The following ADAM10 variants were observed in gnomAD, a reference collection of about 807,000 sequenced individuals.
ADAM10 encodes disintegrin and metalloproteinase domain-containing protein 10.
ADAM10 carries 17 observed loss-of-function variants against 90.1 expected under a neutral mutation model. That is an observed-to-expected ratio of 0.19 (90% CI 0.13 to 0.28). The LOEUF (loss-of-function observed/expected upper bound fraction) is 0.28. ADAM10 is among the 10% of genes least tolerant of loss of function. ADAM10 has a pLI of 1.00. For synonymous variants in ADAM10, 310 were observed against 298.6 expected (o/e 1.04, Z -0.40); for missense variants, 610 against 914.3 (o/e 0.67, Z 4.29).
At chr15:58,714,518 T>C (rs1289898042) in intron 2 of ADAM10, among the ~76,000 whole-genome samples, 2 of 152,136 alleles carry the variant, frequency 1.3e-5, no homozygotes, top group African/African-American at 2.4e-5. Context: ...CTCTACTTGA[T>C]ATTTTTTAAA....
intron 12 of ADAM10, chr15:58,611,441 T>C (rs1427062376): frequency 3.0e-5 from 10 of 328,736 alleles, no homozygotes; most frequent in East Asian, 7.1e-5. Context: ...TTTTTTCCTG[T>C]AGAGCAAAGT....
chr15:58,633,286 A>G lies in ADAM10; in HGVS notation c.1086T>C (p.Ile362=), dbSNP rs1896152755. 1.2e-6 allele frequency: 2 copies of G among 1,613,198 alleles called. No homozygotes were observed. Among genetic ancestry groups the G allele is most frequent in the Non-Finnish European group, 1.7e-6 (2 of 1,179,254 alleles). The part of the protein sequence containing the change: ...DGKKKSLNTG[I]ITVQNYGSHV... ...GAGACCCATAGTTCTGAACAGTAAT[A>G]ATTCCAGTGTTTAAGGACTTCTTCT... is the stretch of plus-strand genomic sequence containing the variant. The change falls in exon 9 of 16, where the codon ATT becomes ATC. Residue 362 remains isoleucine, a synonymous_variant. Coordinates refer to ENST00000260408, the MANE Select transcript of ADAM10 (RefSeq NM_001110.4).
At chr15:58,644,102 T>C in intron 6 of ADAM10, 124 bp from the exon 7 acceptor site, 1 of 722,504 alleles carries the variant, frequency 1.4e-6, no homozygotes, top group Non-Finnish European at 2.4e-6. Context: ...AATGTCAACA[T>C]TATATACTGG....
rs1461669228 is a variant in ADAM10 at position 58,683,987 on chromosome 15, G to T, written c.207-1673C>A. Among the ~76,000 whole-genome samples the T allele has an allele frequency of 2.6e-5, 4 of 151,718 alleles. No homozygotes were observed. The East Asian group carries it at 7.7e-4, about 29-fold the overall frequency. ...ATGCTCAAGTCCCTTATACAAAATG[G>T]TACAGTATTTGTATATAACAAATGT... On this transcript the variant is annotated intron_variant, in intron 2 of 15. Coordinates refer to ENST00000260408, the MANE Select transcript of ADAM10 (RefSeq NM_001110.4).
chr15:58,591,602 C>T lies in ADAM10; in HGVS notation c.*5945G>A, dbSNP rs1894825690. On this transcript the variant is annotated 3_prime_UTR_variant, in exon 16 of 16. Transcript: ENST00000260408. ...CTATGAAAAATTTCAAATATAAACA[C>T]AGGTAGAGAAAATAGTATAATAAAT... 6.6e-6 allele frequency: 1 copy of T among 152,054 alleles called. No homozygotes were observed. Among genetic ancestry groups the T allele is most frequent in the Admixed American group, 6.6e-5 (1 of 15,258 alleles). 9.4% of individuals were successfully genotyped at this position (152,054 alleles called of 1,614,324 possible). A position where few individuals can be genotyped will look rare whatever the true frequency, so the allele number is the denominator to read the frequency against.
intron 1 of ADAM10, among the ~76,000 whole-genome samples, chr15:58,722,726 C>CTTTTTTTT (rs71116592): frequency 9.6e-6 from 1 of 104,006 alleles, no homozygotes; most frequent in Non-Finnish European, 1.8e-5. Context: ...AATTTGAGAA[C>CTTTTTTTT]TTTTTTTTTT....
In ADAM10 at chr15:58,643,761, G is replaced by A. The variant is rs537905007; in HGVS notation, c.828+125C>T. ...CCAGGAGTAAAAAACTGCATCAACA[G>A]ATACAATTAAACTAAACTACTTAAT... On this transcript the variant is annotated intron_variant, in intron 7 of 15. Transcript: ENST00000260408. 9 of 770,048 alleles carry A rather than the reference G, an allele frequency of 1.2e-5. No individual in the cohort carries two copies. The East Asian group carries it at 2.4e-4, about 20-fold the overall frequency. 47.7% of individuals were successfully genotyped at this position (770,048 alleles called of 1,614,324 possible).
chr15:58,589,038 T>G lies in ADAM10; in HGVS notation c.*8509A>C, dbSNP rs1444559554. The stretch of plus-strand genomic sequence containing the variant: ...CTGCCACAGGATTTAGAATGAGATA[T>G]GTTAAAAGTTAAAAATACAGCTGTT... On this transcript the variant is annotated 3_prime_UTR_variant, in exon 16 of 16. Coordinates refer to ENST00000260408, the MANE Select transcript of ADAM10 (RefSeq NM_001110.4). 1 of 152,226 alleles carries G rather than the reference T, an allele frequency of 6.6e-6. No individual in the cohort carries two copies. Among genetic ancestry groups the G allele is most frequent in the Non-Finnish European group, 1.5e-5 (1 of 68,046 alleles). 9.4% of individuals were successfully genotyped at this position (152,226 alleles called of 1,614,324 possible).
intron 14 of ADAM10, among the ~76,000 whole-genome samples, chr15:58,605,520 G>A (rs73424591): frequency 0.011 from 1,664 of 152,182 alleles, 35 homozygotes; most frequent in African/African-American, 0.038. Context: ...ATAAAATCAG[G>A]GAAAGGAATA....
At chr15:58,691,404 G>A (rs1186085069) in intron 2 of ADAM10, 5 of 727,250 alleles carry the variant, frequency 6.9e-6, no homozygotes, top group South Asian at 1.4e-5. Flanking sequence ...CTCCACAAAA[G>A]CAGAGTTGGC....
rs1165666886 is a variant in ADAM10, at chr15:58,692,217, C to G, written c.207-9903G>C. On this transcript the variant is annotated intron_variant, in intron 2 of 15. Transcript: ENST00000260408. ...CCTGATGAGGGATGAACAGCAATGC[C>G]CTGAATTCCAAATGACCTTCTACAG... 1.6e-5 allele frequency: 9 copies of G among 574,584 alleles called. No individual in the cohort carries two copies. The Admixed American group carries it at 1.7e-4, about 11-fold the overall frequency. 35.6% of individuals were successfully genotyped at this position (574,584 alleles called of 1,614,324 possible).
At chr15:58,682,384 A>G in intron 2 of ADAM10, 70 bp from the exon 3 acceptor site, 1 of 1,556,718 alleles carries the variant, frequency 6.4e-7, no homozygotes, top group African/African-American at 1.4e-5. Context: ...ATTATTTTTT[A>G]TTTTAAAAAG....
At chr15:58,706,508 T>C (rs1193577811) in intron 2 of ADAM10, among the ~76,000 whole-genome samples, 1 of 152,148 alleles carries the variant, frequency 6.6e-6, no homozygotes, top group East Asian at 1.9e-4. Context: ...TAACAACAAA[T>C]ATTATTTTGA....
intron 9 of ADAM10, among the ~76,000 whole-genome samples, chr15:58,629,013 A>G (rs1423143488): frequency 6.6e-6 from 1 of 152,166 alleles, no homozygotes; most frequent in African/African-American, 2.4e-5. Flanking sequence ...ATCTTGCTTT[A>G]TGTTTTCAAC....
At chr15:58,636,117 A>T (rs1198471339) in intron 8 of ADAM10, among the ~76,000 whole-genome samples, 1 of 152,054 alleles carries the variant, frequency 6.6e-6, no homozygotes, top group Non-Finnish European at 1.5e-5. Context: ...TCTTTACTAA[A>T]ATTACAAAAA....
chr15:58,625,731 A>G (rs1281813752), intron 10 of ADAM10, among the ~76,000 whole-genome samples: 3 of 152,358 alleles, frequency 2.0e-5, no homozygotes, highest in South Asian at 2.1e-4. Flanking sequence ...TTTATTCATA[A>G]TAGCCAAACA....
chr15:58,631,043 T>C (rs1393646986), intron 9 of ADAM10, among the ~76,000 whole-genome samples: 1 of 151,988 alleles, frequency 6.6e-6, no homozygotes, highest in African/African-American at 2.4e-5. Context: ...TAGTACCTCC[T>C]CTCTCCTTGA....
intron 5 of ADAM10, among the ~76,000 whole-genome samples, chr15:58,652,636 T>C (rs1336071398): frequency 2.6e-5 from 4 of 152,178 alleles, no homozygotes; most frequent in African/African-American, 9.6e-5. Context: ...TTGGTTACTA[T>C]AGCGCTACAG....
chr15:58,656,968 C>T (rs1290943593), intron 5 of ADAM10, among the ~76,000 whole-genome samples: 1 of 152,178 alleles, frequency 6.6e-6, no homozygotes, highest in African/African-American at 2.4e-5. Flanking sequence ...GAATATACTG[C>T]TATAGGATAA....
Sources: allele counts gnomAD v4.1 joint callset (sites outside exome capture counted in the v4.1 genomes callset), GRCh38; gene constraint gnomAD v4.1.1; transcripts MANE v1.5; gene names NCBI Gene and HGNC (gene_info 2026-07-23, HGNC 2026-07-21).